The following STK33 variants were observed in gnomAD, a reference collection of about 807,000 sequenced individuals.
STK33 encodes the protein serine/threonine kinase 33.
In STK33, 52 loss-of-function variants were observed where a neutral mutation model predicts 58.0. That is an observed-to-expected ratio of 0.90 (90% confidence interval 0.72 to 1.13). STK33 has a LOEUF of 1.13. Ranked by LOEUF, STK33 falls within the 50% of genes most tolerant of loss-of-function variation. The pLI, the probability that STK33 is intolerant of heterozygous loss-of-function variation, is 0.00. For missense variants in STK33, 630 were observed against 604.2 expected, an observed-to-expected ratio of 1.04 and a Z score of -0.45; for synonymous variants, 215 against 200.1, an observed-to-expected ratio of 1.07 and a Z score of -0.63.
the STK33 span, among the ~76,000 whole-genome samples, chr11:8,369,986 T>C: frequency 6.4e-4 from 97 of 152,342 alleles, no homozygotes; most frequent in African/African-American, 2.2e-3. Context: ...GGCAGTTGTC[T>C]GATCTGAGTC....
chr11:8,414,416 C>T (rs1271389083), intron 14 of STK33, among the ~76,000 whole-genome samples: 1 of 152,030 alleles, frequency 6.6e-6, no homozygotes, highest in East Asian at 1.9e-4. Flanking sequence ...GTTCTTACCT[C>T]ATACTGTTAG....
intron 1 of STK33, among the ~76,000 whole-genome samples, chr11:8,558,398 TACACAC>T (rs71059170): frequency 4.7e-5 from 7 of 149,788 alleles, no homozygotes; most frequent in Middle Eastern, 3.4e-3. Flanking sequence ...TTGTCAGTGA[TACACAC>T]ACACACACAC....
chr11:8,435,364 A>G (rs536077574), intron 14 of STK33, 130 bp downstream of exon 14: 47 of 458,004 alleles, frequency 1.0e-4, no homozygotes, highest in African/African-American at 8.3e-4. Flanking sequence ...TCAAGACTCA[A>G]TGTTTTTTAA....
chr11:8,402,695 T>A (rs12574773), intron 15 of STK33, among the ~76,000 whole-genome samples: 27,747 of 152,172 alleles, frequency 0.18, 2,801 homozygotes, highest in African/African-American at 0.25. Context: ...ACACGGATGC[T>A]GAATGGCCAC....
chr11:8,475,203 G>C (rs1949154899), intron 4 of STK33, 137 bp from the exon 5 acceptor site: 1 of 254,192 alleles, frequency 3.9e-6, no homozygotes, highest in South Asian at 1.6e-4. Context: ...CACAAAACTG[G>C]TGAAAAGCAT....
At chr11:8,561,291 C>T (rs564493496) in intron 1 of STK33, among the ~76,000 whole-genome samples, 2 of 152,214 alleles carry the variant, frequency 1.3e-5, no homozygotes, top group Admixed American at 6.5e-5. Flanking sequence ...AAGAGCTTGA[C>T]CAGGTATTAA....
At chr11:8,339,082 C>T in the STK33 span, among the ~76,000 whole-genome samples, 1 of 152,106 alleles carries the variant, frequency 6.6e-6, no homozygotes, top group African/African-American at 2.4e-5. Context: ...GCAAGCAAGG[C>T]CCAGGAATTC....
chr11:8,369,629 A>G, the STK33 span, among the ~76,000 whole-genome samples: 1 of 152,186 alleles, frequency 6.6e-6, no homozygotes, highest in Admixed American at 6.5e-5. Context: ...GGGAGGGTGC[A>G]GCTGGCCTGA....
Position 8,464,819 on chromosome 11 carries a change from T to C in STK33, c.343A>G (p.Ile115Val), listed in dbSNP as rs763906449. Residue 115 changes from isoleucine to valine, a missense_variant, in exon 7 of 16, where the codon ATC (isoleucine) becomes GTC (valine). Transcript: ENST00000687296. Reference protein sequence around the residue: ...RIENGAAIEEIYTFGRILGKG... With the variant: ...RIENGAAIEEVYTFGRILGKG... ...CCCAATATTCTTCCAAAGGTATAGA[T>C]TTCCTGGAGAAAAAAAAAAAAAGAG... 2.3e-5 allele frequency: 37 copies of C among 1,589,594 alleles called. No homozygotes were observed. The Admixed American group carries it at 2.8e-4, about 12-fold the overall frequency.
intron 14 of STK33, among the ~76,000 whole-genome samples, chr11:8,414,695 G>A (rs971814607): frequency 2.6e-5 from 4 of 152,210 alleles, no homozygotes; most frequent in Non-Finnish European, 5.9e-5. Flanking sequence ...GGATCACTAC[G>A]CAATTAATTC....
At chr11:8,448,787 C>T (rs992165151) in intron 11 of STK33, among the ~76,000 whole-genome samples, 50 of 152,000 alleles carry the variant, frequency 3.3e-4, no homozygotes, top group Admixed American at 5.9e-4. Context: ...ACAAATGGGA[C>T]CTAATTAAAC....
the STK33 span, among the ~76,000 whole-genome samples, chr11:8,338,418 C>T: frequency 6.6e-6 from 1 of 152,200 alleles, no homozygotes; most frequent in Admixed American, 6.5e-5. Context: ...AGGACGATGT[C>T]TCTGATCCTA....
chr11:8,564,171 T>C (rs1223103979), intron 1 of STK33, among the ~76,000 whole-genome samples: 1 of 152,222 alleles, frequency 6.6e-6, no homozygotes, highest in Non-Finnish European at 1.5e-5. Context: ...GCTGGAAAGC[T>C]ATCTGAAGAA....
chr11:8,362,267 T>A, the STK33 span, among the ~76,000 whole-genome samples: 1 of 152,206 alleles, frequency 6.6e-6, no homozygotes, highest in Non-Finnish European at 1.5e-5. Context: ...GTAATACACC[T>A]CTGGGCTTTT....
At chr11:8,521,521 C>A (rs1026585818) in intron 1 of STK33, among the ~76,000 whole-genome samples, 89 of 152,110 alleles carry the variant, frequency 5.9e-4, no homozygotes, top group Non-Finnish European at 1.6e-4. Flanking sequence ...ACCATAAAAA[C>A]CCTAGAAGAA....
chr11:8,508,315 C>A (rs1204365260), intron 1 of STK33, among the ~76,000 whole-genome samples: 1 of 138,892 alleles, frequency 7.2e-6, no homozygotes, highest in African/African-American at 2.7e-5. Flanking sequence ...TTCACCCAGG[C>A]TGGAGTGTAG....
At chr11:8,437,474 C>T (rs759040317) in intron 12 of STK33, among the ~76,000 whole-genome samples, 1 of 152,180 alleles carries the variant, frequency 6.6e-6, no homozygotes. Flanking sequence ...TTAGATTCAT[C>T]ACAGGGGCAA....
At chr11:8,481,668 A>G (rs1250537025) in intron 1 of STK33, among the ~76,000 whole-genome samples, 1 of 152,028 alleles carries the variant, frequency 6.6e-6, no homozygotes, top group Non-Finnish European at 1.5e-5. Context: ...AAACCCCTAC[A>G]CCTAGCCTGA....
intron 7 of STK33, among the ~76,000 whole-genome samples, chr11:8,462,283 A>C (rs558375976): frequency 2.6e-4 from 39 of 151,980 alleles, no homozygotes; most frequent in African/African-American, 8.9e-4. Context: ...TGATCCCTTG[A>C]TGTTAGCATA....
Sources: allele counts gnomAD v4.1 joint callset (sites outside exome capture counted in the v4.1 genomes callset), GRCh38; gene constraint gnomAD v4.1.1; transcripts MANE v1.5; gene names NCBI Gene and HGNC (gene_info 2026-07-23, HGNC 2026-07-21).